TOX2: variants seen among roughly 807,000 people sequenced by gnomAD.
The protein encoded by TOX2 is granulosa cell HMG box 1.
Under a neutral mutation model 47.4 loss-of-function variants are expected in TOX2, and 15 were observed. The observed-to-expected ratio is 0.32, with a 90% confidence interval of 0.21 to 0.49. The LOEUF (loss-of-function observed/expected upper bound fraction) is 0.49, where lower values mean the gene tolerates loss of function less well. TOX2 is among the 20% of genes least tolerant of loss of function. The pLI is 0.99. For missense variants in TOX2, 622 were observed against 673.1 expected, an observed-to-expected ratio of 0.92 and a Z score of 0.84; for synonymous variants, 290 against 296.6, an observed-to-expected ratio of 0.98 and a Z score of 0.23.
At chr20:44,056,896 T>C (rs1236013050) in intron 5 of TOX2, among the ~76,000 whole-genome samples, 6 of 152,176 alleles carry the variant, frequency 3.9e-5, no homozygotes, top group African/African-American at 1.4e-4. Context: ...TTACAAATGA[T>C]AATTTTGTCT....
chr20:43,951,971 A>T (rs1401989514), intron 1 of TOX2, among the ~76,000 whole-genome samples: 1 of 151,674 alleles, frequency 6.6e-6, no homozygotes, highest in East Asian at 1.9e-4. Context: ...ATCTTGGCTC[A>T]CTGCAACCTC....
intron 3 of TOX2, among the ~76,000 whole-genome samples, chr20:44,049,406 A>C (rs1000325051): frequency 6.6e-6 from 1 of 152,238 alleles, no homozygotes; most frequent in African/African-American, 2.4e-5. Flanking sequence ...CAGACCCCAT[A>C]CTTTGATAAT....
intron 3 of TOX2, among the ~76,000 whole-genome samples, chr20:44,039,955 CG>C (rs1251553715): frequency 6.6e-6 from 1 of 152,094 alleles, no homozygotes; most frequent in East Asian, 1.9e-4. Context: ...GGCCGAGGGC[CG>C]GGGGGCAGGG....
chr20:43,928,635 T>G (rs2069208620), intron 1 of TOX2, among the ~76,000 whole-genome samples: 1 of 152,228 alleles, frequency 6.6e-6, no homozygotes, highest in Non-Finnish European at 1.5e-5. Context: ...CATGCTTCTG[T>G]CTGACGCTCT....
intron 3 of TOX2, among the ~76,000 whole-genome samples, chr20:44,043,637 C>T (rs202089274): frequency 4.7e-4 from 71 of 152,300 alleles, no homozygotes; most frequent in East Asian, 3.7e-3. Context: ...CACAGATTTT[C>T]GCCATCTCCC....
intron 1 of TOX2, among the ~76,000 whole-genome samples, chr20:43,928,995 A>AC (rs1244201942): frequency 2.0e-5 from 3 of 150,760 alleles, no homozygotes; most frequent in African/African-American, 7.4e-5. Context: ...AAAAAAAAAA[A>AC]AAAACAACAA....
At chr20:43,979,893 T>C (rs2070141599) in intron 2 of TOX2, among the ~76,000 whole-genome samples, 1 of 152,182 alleles carries the variant, frequency 6.6e-6, no homozygotes, top group South Asian at 2.1e-4. Flanking sequence ...CTGGTGAGGA[T>C]ATGGAGAAAA....
chr20:44,052,346 A>C (rs2071528871), intron 4 of TOX2, among the ~76,000 whole-genome samples: 1 of 152,198 alleles, frequency 6.6e-6, no homozygotes, highest in African/African-American at 2.4e-5. Flanking sequence ...GGAGGAAAAC[A>C]GAGGCCCAGA....
intron 1 of TOX2, among the ~76,000 whole-genome samples, chr20:43,923,229 A>T (rs940789588): frequency 6.6e-6 from 1 of 152,176 alleles, no homozygotes; most frequent in Non-Finnish European, 1.5e-5. Flanking sequence ...CTTTAAGTAG[A>T]GGACTGTGCC....
intron 2 of TOX2, among the ~76,000 whole-genome samples, chr20:43,975,364 C>T (rs1489534965): frequency 1.3e-5 from 2 of 152,218 alleles, no homozygotes; most frequent in Non-Finnish European, 2.9e-5. Context: ...CACTTTGCAG[C>T]TTGCAAAGCC....
intron 2 of TOX2, among the ~76,000 whole-genome samples, chr20:43,987,816 C>T (rs183220131): frequency 4.0e-5 from 6 of 151,742 alleles, no homozygotes; most frequent in East Asian, 3.9e-4. Flanking sequence ...GCAGGTGGCA[C>T]GGGCTTCCCC....
chr20:43,946,553 A>C (rs537882893), intron 1 of TOX2, among the ~76,000 whole-genome samples: 1 of 152,280 alleles, frequency 6.6e-6, no homozygotes, highest in South Asian at 2.1e-4. Flanking sequence ...GAGTTTGGGG[A>C]ATCAATAAAA....
At chr20:43,983,934 C>T (rs1296601263) in intron 2 of TOX2, among the ~76,000 whole-genome samples, 3 of 152,116 alleles carry the variant, frequency 2.0e-5, no homozygotes, top group Non-Finnish European at 4.4e-5. Flanking sequence ...GGCAGGCGAC[C>T]CTCCTGCTGC....
chr20:44,016,759 G>A (rs1191352771), intron 3 of TOX2, among the ~76,000 whole-genome samples: 1 of 152,206 alleles, frequency 6.6e-6, no homozygotes, highest in African/African-American at 2.4e-5. Flanking sequence ...ATTCCTGTAT[G>A]AGGACCCAGT....
At chr20:43,943,860 A>ATTAT (rs2069432419) in intron 1 of TOX2, among the ~76,000 whole-genome samples, 1 of 32,720 alleles carries the variant, frequency 3.1e-5, no homozygotes. Flanking sequence ...ATGGAGAGCC[A>ATTAT]TGATTTATCC....
At chr20:44,066,264 T>C (rs2071820612) in intron 7 of TOX2, among the ~76,000 whole-genome samples, 157 bp downstream of exon 7, 1 of 152,176 alleles carries the variant, frequency 6.6e-6, no homozygotes, top group African/African-American at 2.4e-5. Flanking sequence ...AGGAAGTGGG[T>C]CTCGCACACC....
intron 2 of TOX2, among the ~76,000 whole-genome samples, chr20:43,974,804 C>G (rs1487901866): frequency 6.6e-6 from 1 of 152,206 alleles, no homozygotes; most frequent in African/African-American, 2.4e-5. Flanking sequence ...CATGGAAGCT[C>G]TGCTGCAGGG....
chr20:44,067,357 G>C (rs1444596246), intron 8 of TOX2, among the ~76,000 whole-genome samples: 3 of 152,182 alleles, frequency 2.0e-5, no homozygotes, highest in African/African-American at 4.8e-5. Flanking sequence ...AACGGTGCTA[G>C]AGTGGCTCCC....
intron 1 of TOX2, among the ~76,000 whole-genome samples, chr20:43,970,245 T>A (rs2069941262): frequency 6.6e-6 from 1 of 152,244 alleles, no homozygotes; most frequent in Admixed American, 6.5e-5. Context: ...TCTATCTGTT[T>A]GCTTGGTTTT....
Sources: allele counts gnomAD v4.1 joint callset (sites outside exome capture counted in the v4.1 genomes callset), GRCh38; gene constraint gnomAD v4.1.1; transcripts MANE v1.5; gene names NCBI Gene and HGNC (gene_info 2026-07-23, HGNC 2026-07-21).